Variants in WDPCP observed in about 807,000 individuals in gnomAD.
The protein encoded by WDPCP is WD repeat containing planar cell polarity effector.
A neutral mutation model predicts 93.1 loss-of-function variants in WDPCP; 71 were observed. The ratio of observed to expected loss-of-function variants is 0.76; its 90% CI spans 0.63 to 0.93. The LOEUF is 0.93. WDPCP is among the 40% of genes least tolerant of loss of function. The probability of loss-of-function intolerance (pLI) is 0.00; values close to 1 mark genes in which losing one functional copy is unlikely to be tolerated. For synonymous variants in WDPCP, 315 were observed against 315.0 expected (o/e 1.00, Z 0.00); for missense variants, 844 against 887.4 (o/e 0.95, Z 0.62).
chr2:63,392,588 A>G (rs1313656579), intron 10 of WDPCP, among the ~76,000 whole-genome samples: 1 of 152,210 alleles, frequency 6.6e-6, no homozygotes, highest in East Asian at 1.9e-4. Context: ...CTACCATTAG[A>G]GTGAACAGGC....
intron 1 of WDPCP, among the ~76,000 whole-genome samples, chr2:63,509,954 A>T (rs1398695365): frequency 6.6e-6 from 1 of 152,266 alleles, no homozygotes; most frequent in Middle Eastern, 3.4e-3. Context: ...CTACCAACCA[A>T]AAAAAGCCAA....
chr2:63,271,527 A>G (rs1682646051), intron 13 of WDPCP, among the ~76,000 whole-genome samples: 1 of 152,158 alleles, frequency 6.6e-6, no homozygotes, highest in Non-Finnish European at 1.5e-5. Context: ...TGAGTACACC[A>G]TCTAGGGTCC....
intron 1 of WDPCP, among the ~76,000 whole-genome samples, chr2:63,570,427 C>G (rs2106465905): frequency 6.6e-6 from 1 of 152,252 alleles, no homozygotes; most frequent in African/African-American, 2.4e-5. Flanking sequence ...TCAACTTTTC[C>G]CTTAGCTTTC....
rs984898666 is a variant in WDPCP at position 63,558,343 on chromosome 2, C to T, written c.75+29854G>A. On this transcript the variant is annotated intron_variant, in intron 1 of 17. Transcript: ENST00000272321. ...AGGAGTTTGAGACCAGCCTGGCCAA[C>T]ACAGGGAAACCCCGTCTCTACTAAA... 2.0e-5 allele frequency among the ~76,000 whole-genome samples: 3 copies of T among 151,856 alleles called. No individual in the cohort carries two copies. The East Asian group carries it at 5.8e-4, about 29-fold the overall frequency.
At chr2:63,705,371 GT>G (rs2103726188) in intron 2 of WDPCP, among the ~76,000 whole-genome samples, 1 of 152,212 alleles carries the variant, frequency 6.6e-6, no homozygotes, top group South Asian at 2.1e-4. Context: ...TGCTTCTCTA[GT>G]TCTTCTAATT....
At chr2:63,321,658 G>A (rs1483923744) in intron 12 of WDPCP, among the ~76,000 whole-genome samples, 1 of 152,088 alleles carries the variant, frequency 6.6e-6, no homozygotes, top group Non-Finnish European at 1.5e-5. Context: ...GCATTGTAGA[G>A]TGACTTTCTT....
At chr2:63,764,250 G>C (rs1281156452) in intron 2 of WDPCP, among the ~76,000 whole-genome samples, 1 of 152,070 alleles carries the variant, frequency 6.6e-6, no homozygotes, top group Non-Finnish European at 1.5e-5. Context: ...TATCAGCTCT[G>C]TAATAGAAAA....
At chr2:63,484,877 G>C in intron 5 of WDPCP, 40 bp downstream of exon 5, 1 of 1,601,792 alleles carries the variant, frequency 6.2e-7, no homozygotes, top group Non-Finnish European at 8.5e-7. Context: ...TTTAAAAACA[G>C]ATTTGTTTGT....
intron 17 of WDPCP, among the ~76,000 whole-genome samples, chr2:63,134,842 G>A (rs1055716889): frequency 6.6e-6 from 1 of 152,172 alleles, no homozygotes; most frequent in Non-Finnish European, 1.5e-5. Context: ...GCTCAAGATT[G>A]GGGGGCGCTG....
chr2:63,195,231 G>C (rs761106839), intron 14 of WDPCP, among the ~76,000 whole-genome samples: 38 of 152,040 alleles, frequency 2.5e-4, no homozygotes, highest in Non-Finnish European at 4.9e-4. Context: ...TTTTTATTCA[G>C]TGTTTCATAT....
chr2:63,584,709 G>A (rs1016904904), intron 1 of WDPCP, among the ~76,000 whole-genome samples: 4 of 151,832 alleles, frequency 2.6e-5, no homozygotes, highest in Admixed American at 6.6e-5. Context: ...GCTACATTAC[G>A]TTTCCAGATA....
chr2:63,656,135 T>C (rs1558876815), intron 2 of WDPCP, among the ~76,000 whole-genome samples: 2 of 152,220 alleles, frequency 1.3e-5, no homozygotes, highest in Non-Finnish European at 2.9e-5. Flanking sequence ...TGGTGCCTTT[T>C]GTTCTCAACT....
intron 3 of WDPCP, among the ~76,000 whole-genome samples, chr2:63,630,547 T>A (rs575815425): frequency 6.6e-6 from 1 of 152,134 alleles, no homozygotes; most frequent in Non-Finnish European, 1.5e-5. Flanking sequence ...AATGTAATGA[T>A]AAAATGATCA....
At chr2:63,141,485 T>C (rs996628579) in intron 17 of WDPCP, among the ~76,000 whole-genome samples, 1 of 152,254 alleles carries the variant, frequency 6.6e-6, no homozygotes, top group Non-Finnish European at 1.5e-5. Context: ...TGGTGGATTA[T>C]CTTTTTGATA....
At chr2:63,608,076 G>A (rs182423643) in intron 3 of WDPCP, among the ~76,000 whole-genome samples, 1 of 152,012 alleles carries the variant, frequency 6.6e-6, no homozygotes, top group Admixed American at 6.5e-5. Flanking sequence ...AATCTTAAAG[G>A]TTTACGCTTT....
chr2:63,702,189 C>A (rs1447205715), intron 2 of WDPCP, among the ~76,000 whole-genome samples: 2 of 151,826 alleles, frequency 1.3e-5, no homozygotes, highest in Admixed American at 6.6e-5. Context: ...CCACACCCGG[C>A]TAATTTTTGT....
intron 12 of WDPCP, among the ~76,000 whole-genome samples, chr2:63,333,425 C>G (rs1329708047): frequency 2.0e-5 from 3 of 152,122 alleles, no homozygotes; most frequent in Non-Finnish European, 4.4e-5. Flanking sequence ...CTTTGCAGAT[C>G]CAGGAGATAA....
At chr2:63,138,579 C>G (rs1185493673) in intron 17 of WDPCP, among the ~76,000 whole-genome samples, 1 of 151,780 alleles carries the variant, frequency 6.6e-6, no homozygotes, top group Non-Finnish European at 1.5e-5. Flanking sequence ...CAGCCTCCCC[C>G]ATAGCTGGGA....
At chr2:63,613,708 T>C (rs1486595220) in intron 3 of WDPCP, among the ~76,000 whole-genome samples, 1 of 152,226 alleles carries the variant, frequency 6.6e-6, no homozygotes, top group East Asian at 1.9e-4. Flanking sequence ...CAAAGTATGA[T>C]GCTTTGTCAT....
Sources: allele counts gnomAD v4.1 joint callset (sites outside exome capture counted in the v4.1 genomes callset), GRCh38; gene constraint gnomAD v4.1.1; transcripts MANE v1.5; gene names NCBI Gene and HGNC (gene_info 2026-07-23, HGNC 2026-07-21).